Variants in CHP1 observed in about 807,000 individuals in gnomAD.
The protein encoded by CHP1 is calcineurin B homologous protein 1.
Under a neutral mutation model 27.4 loss-of-function variants are expected in CHP1, and 11 were observed. The observed-to-expected ratio is 0.40, with a 90% CI of 0.25 to 0.67. The LOEUF (loss-of-function observed/expected upper bound fraction) is 0.67. Among genes scored for constraint, CHP1 ranks in the 30% least tolerant of loss-of-function variants. The pLI is 0.38. For missense variants in CHP1, 169 were observed against 251.3 expected, an observed-to-expected ratio of 0.67 and a Z score of 2.22; for synonymous variants, 89 against 87.4, an observed-to-expected ratio of 1.02 and a Z score of -0.10.
intron 5 of CHP1, among the ~76,000 whole-genome samples, chr15:41,275,980 C>T (rs1168530286): frequency 6.6e-6 from 1 of 152,162 alleles, no homozygotes; most frequent in African/African-American, 2.4e-5. Context: ...GTGGCTCACG[C>T]CTGTAATCCC....
chr15:41,235,623 G>A (rs2047272968), intron 1 of CHP1, among the ~76,000 whole-genome samples: 1 of 152,202 alleles, frequency 6.6e-6, no homozygotes, highest in South Asian at 2.1e-4. Flanking sequence ...CTACCTTTTG[G>A]TATATGTCAT....
In CHP1 at chr15:41,281,611, C is replaced by T. The variant is rs1202043022; in HGVS notation, c.*2222C>T. On this transcript the variant is annotated 3_prime_UTR_variant, in exon 7 of 7. Transcript: ENST00000334660. ...ACAGGGGAGTAGCCAGGCTGGATGG[C>T]TCAAATATAAATGAATGAGGAATTC... The T allele has an allele frequency of 6.6e-6, 1 of 152,492 alleles. No homozygotes were observed. The highest frequency in any genetic ancestry group is 1.9e-4 in the East Asian group (1 of 5,200). 9.4% of individuals were successfully genotyped at this position (152,492 alleles called of 1,614,324 possible). A position where few individuals can be genotyped will look rare whatever the true frequency, so the allele number is the denominator to read the frequency against.
At chr15:41,243,535 C>A in intron 1 of CHP1, 132 bp from the exon 2 acceptor site, 1 of 617,904 alleles carries the variant, frequency 1.6e-6, no homozygotes, top group Non-Finnish European at 2.9e-6. Flanking sequence ...AAACTTTCTG[C>A]TTTAACATTC....
intron 1 of CHP1, among the ~76,000 whole-genome samples, chr15:41,235,066 A>T (rs1019903801): frequency 6.6e-6 from 1 of 152,230 alleles, no homozygotes; most frequent in South Asian, 2.1e-4. Context: ...TTGCTAAATT[A>T]TCTTTGTTCT....
At position 41,236,785 on chromosome 15, in the gene CHP1, A is replaced by G. The variant is rs559956455; in HGVS notation, c.67+5336A>G. On this transcript the variant is annotated intron_variant, in intron 1 of 6. Transcript: ENST00000334660. ...TTGGGATGGTTTTTACGTAACAACA[A>G]TACTATTATCACACCTAAGAAAGTT... Among the ~76,000 whole-genome samples the G allele has an allele frequency of 1.8e-3, 267 of 152,076 alleles. 1 individual carries two copies. The highest frequency in any genetic ancestry group is 6.1e-3 in the African/African-American group (252 of 41,482).
At chr15:41,273,699 AAAG>A (rs201406064) in intron 5 of CHP1, among the ~76,000 whole-genome samples, 2,057 of 151,632 alleles carry the variant, frequency 0.014, 41 homozygotes, top group African/African-American at 0.044. Flanking sequence ...AAAAAAAAAA[AAAG>A]AAGTCTTAGA....
At chr15:41,264,242 C>T in intron 4 of CHP1, 5 of 1,281,112 alleles carry the variant, frequency 3.9e-6, no homozygotes, top group Non-Finnish European at 5.1e-6. Flanking sequence ...GAATGTAAGT[C>T]CTTCCCCTCA....
chr15:41,257,211 A>G (rs2047405098), intron 3 of CHP1, among the ~76,000 whole-genome samples: 1 of 152,154 alleles, frequency 6.6e-6, no homozygotes, highest in Non-Finnish European at 1.5e-5. Context: ...CAAAATTCTT[A>G]TGTTTATCAT....
intron 2 of CHP1, among the ~76,000 whole-genome samples, chr15:41,244,506 G>A (rs1302229700): frequency 6.6e-6 from 1 of 152,084 alleles, no homozygotes; most frequent in Non-Finnish European, 1.5e-5. Context: ...TGTTAGTCTA[G>A]AGCAGTGGTT....
chr15:41,246,592 A>G (rs1054028873), intron 2 of CHP1, among the ~76,000 whole-genome samples: 11 of 144,310 alleles, frequency 7.6e-5, no homozygotes, highest in African/African-American at 2.6e-4. Flanking sequence ...TGCTGGGATT[A>G]AAGGTGCGAG....
At chr15:41,278,932 G>A (rs745476865) in intron 6 of CHP1, 43 bp downstream of exon 6, 3 of 1,611,272 alleles carry the variant, frequency 1.9e-6, no homozygotes, top group Admixed American at 3.3e-5. Flanking sequence ...CGTTTTAGTG[G>A]CTGGGCGCGG....
intron 4 of CHP1, among the ~76,000 whole-genome samples, chr15:41,264,910 C>T (rs1412156665): frequency 2.0e-5 from 3 of 152,130 alleles, no homozygotes; most frequent in Non-Finnish European, 2.9e-5. Context: ...TAGAAGAGTC[C>T]GAGAAGTCCT....
chr15:41,268,712 TGGTTAGATCATGC>T (rs1310020862), intron 4 of CHP1, among the ~76,000 whole-genome samples: 10 of 147,318 alleles, frequency 6.8e-5, no homozygotes, highest in Admixed American at 5.5e-4. Flanking sequence ...GAGGCCGAGG[TGGTTAGATCATGC>T]GGTTAGATCA....
chr15:41,280,046 C>T lies in CHP1; in HGVS notation c.*657C>T, dbSNP rs2047537928. Reference sequence around the variant, plus strand: ...GAGCTTTTTGGTAATCAATACTTCTCTCAGAAGTATGAGACCATCCTCTGC... The same window carrying T: ...GAGCTTTTTGGTAATCAATACTTCTTTCAGAAGTATGAGACCATCCTCTGC... On this transcript the variant is annotated 3_prime_UTR_variant, in exon 7 of 7. Coordinates refer to ENST00000334660, the MANE Select transcript of CHP1 (RefSeq NM_007236.5). 6.6e-6 allele frequency: 1 copy of T among 152,268 alleles called. No homozygotes were observed. Among genetic ancestry groups the T allele is most frequent in the South Asian group, 2.1e-4 (1 of 4,834 alleles). 9.4% of individuals were successfully genotyped at this position (152,268 alleles called of 1,614,324 possible).
At chr15:41,264,319 T>A in intron 4 of CHP1, 1 of 632,062 alleles carries the variant, frequency 1.6e-6, no homozygotes, top group African/African-American at 1.9e-5. Flanking sequence ...GAGATTCCCC[T>A]CCTGATGCTG....
chr15:41,232,135 G>T (rs1236958196), intron 1 of CHP1, among the ~76,000 whole-genome samples: 19 of 151,700 alleles, frequency 1.3e-4, no homozygotes, highest in African/African-American at 4.4e-4. Flanking sequence ...CTACTATGCT[G>T]GTGTACTTTT....
intron 4 of CHP1, among the ~76,000 whole-genome samples, chr15:41,263,898 CT>C (rs1239993633): frequency 6.6e-6 from 1 of 152,090 alleles, no homozygotes; most frequent in Non-Finnish European, 1.5e-5. Context: ...AAAACAAAAT[CT>C]TCGAAATAGC....
intron 2 of CHP1, among the ~76,000 whole-genome samples, chr15:41,246,220 CT>C (rs2047333624): frequency 6.6e-6 from 1 of 151,834 alleles, no homozygotes; most frequent in South Asian, 2.1e-4. Flanking sequence ...ATTCTGAGTT[CT>C]TTTCTTCTTT....
intron 1 of CHP1, among the ~76,000 whole-genome samples, chr15:41,240,939 G>A (rs1465348362): frequency 6.7e-6 from 1 of 150,326 alleles, no homozygotes; most frequent in Admixed American, 6.7e-5. Context: ...TGCAACCTTC[G>A]CCTCCCTGGT....
Sources: gnomAD v4.1 joint callset for allele counts (sites outside exome capture counted in the v4.1 genomes callset) on GRCh38, gnomAD v4.1.1 for gene constraint, MANE v1.5 for transcripts, NCBI Gene and HGNC (gene_info 2026-07-23, HGNC 2026-07-21) for gene names.